PLXNA4: variants seen among roughly 807,000 people sequenced by gnomAD.
The protein encoded by PLXNA4 is plexin A4.
In PLXNA4, 44 loss-of-function variants were observed where a neutral mutation model predicts 191.8. The observed-to-expected ratio is 0.23, with a 90% CI of 0.18 to 0.29. The LOEUF (loss-of-function observed/expected upper bound fraction) is 0.29, where lower values mean the gene tolerates loss of function less well. Among genes scored for constraint, PLXNA4 ranks in the 10% least tolerant of loss-of-function variants. The pLI is 1.00. For missense variants in PLXNA4, 1,800 were observed against 2,488.8 expected, an observed-to-expected ratio of 0.72 and a Z score of 5.89; for synonymous variants, 1,082 against 1,009.5, an observed-to-expected ratio of 1.07 and a Z score of -1.36.
intron 3 of PLXNA4, among the ~76,000 whole-genome samples, chr7:132,338,700 C>A (rs914280678): frequency 2.7e-4 from 41 of 152,036 alleles, no homozygotes; most frequent in African/African-American, 9.4e-4. Flanking sequence ...ACTTAGTGAC[C>A]ACATTATAAA....
intron 7 of PLXNA4, 85 bp from the exon 8 acceptor site, chr7:132,226,345 G>A: frequency 8.3e-7 from 1 of 1,203,086 alleles, no homozygotes; most frequent in Non-Finnish European, 1.2e-6. Flanking sequence ...GCTGGAAAAG[G>A]GAGCCTGCTC....
intron 10 of PLXNA4, among the ~76,000 whole-genome samples, chr7:132,203,853 T>C (rs1420586508): frequency 6.6e-6 from 1 of 152,120 alleles, no homozygotes; most frequent in Non-Finnish European, 1.5e-5. Flanking sequence ...TGCAATTAGA[T>C]TGGGGAACTC....
At position 132,320,340 on chromosome 7, in the gene PLXNA4, A is replaced by G. The variant is rs534092071; in HGVS notation, c.1372-22118T>C. On this transcript the variant is annotated intron_variant, in intron 3 of 31. Transcript: ENST00000321063. ...CTGTTCCTTGGCTTGTGGCAGCATC[A>G]CTCCAATCTCTGCCTTTGTCTTCAC... 2.2e-4 allele frequency among the ~76,000 whole-genome samples: 33 copies of G among 152,016 alleles called. No homozygotes were observed. In the South Asian group the frequency reaches 6.7e-3, roughly 31 times the overall value.
intron 18 of PLXNA4, 71 bp from the exon 19 acceptor site, chr7:132,180,803 C>T: frequency 6.4e-7 from 1 of 1,570,246 alleles, no homozygotes; most frequent in Non-Finnish European, 8.7e-7. Context: ...CTCTCATGTC[C>T]TCCCACCTGG....
intron 3 of PLXNA4, among the ~76,000 whole-genome samples, chr7:132,307,159 C>T (rs1332691873): frequency 6.6e-6 from 1 of 152,098 alleles, no homozygotes; most frequent in Non-Finnish European, 1.5e-5. Flanking sequence ...CCCTACAACC[C>T]CACACCAAGG....
At chr7:132,189,923 A>C (rs2116799000) in intron 14 of PLXNA4, among the ~76,000 whole-genome samples, 1 of 150,990 alleles carries the variant, frequency 6.6e-6, no homozygotes, top group African/African-American at 2.4e-5. Flanking sequence ...TCCTTCCTAA[A>C]GTCTTCCCAA....
intron 2 of PLXNA4, among the ~76,000 whole-genome samples, chr7:132,491,581 C>T (rs1451114213): frequency 1.3e-5 from 2 of 151,884 alleles, no homozygotes; most frequent in African/African-American, 4.8e-5. Context: ...GCCTCTCTTG[C>T]GTGGCCTGGT....
intron 3 of PLXNA4, among the ~76,000 whole-genome samples, chr7:132,449,937 C>A (rs536518908): frequency 2.6e-5 from 4 of 152,220 alleles, no homozygotes; most frequent in Non-Finnish European, 4.4e-5. Flanking sequence ...CAGAGCTCAG[C>A]GGCTGTGACA....
chr7:132,174,781 A>G lies in PLXNA4; in HGVS notation c.4014T>C (p.Leu1338=), dbSNP rs2116697386. 1 of 1,613,840 alleles carries G rather than the reference A, an allele frequency of 6.2e-7. No individual in the cohort carries two copies. The change falls in exon 21 of 32, where the codon CTT becomes CTC. Residue 1338 remains leucine (L), a synonymous_variant. Coordinates refer to ENST00000321063, the MANE Select transcript of PLXNA4 (RefSeq NM_020911.2). The part of the protein sequence containing the change: ...GIEDHPVLRD[L]EVPGYRQERV... ...AGGATGGAGCACTGCTTCTCACCTC[A>G]AGGTCCCGGAGGACAGGGTGGTCTT... is the stretch of plus-strand genomic sequence containing the variant.
Position 132,319,692 on chromosome 7 carries a change from G to A in PLXNA4, c.1372-21470C>T, listed in dbSNP as rs116642885. 6.6e-3 allele frequency among the ~76,000 whole-genome samples: 1,009 copies of A among 152,316 alleles called. 11 individuals are homozygous for A. The highest frequency in any genetic ancestry group is 0.023 in the African/African-American group (972 of 41,560). On this transcript the variant is annotated intron_variant, in intron 3 of 31. Transcript: ENST00000321063. ...AATTTCCTGGTGCTCTGAGATCACC[G>A]GACTTCCTGCTCCAGAAGCAGGTTT...
At chr7:132,399,100 G>A (rs1008470818) in intron 3 of PLXNA4, among the ~76,000 whole-genome samples, 5 of 152,130 alleles carry the variant, frequency 3.3e-5, no homozygotes, top group Non-Finnish European at 7.4e-5. Context: ...AAAGTACAGA[G>A]GTCCCTGCTA....
intron 3 of PLXNA4, among the ~76,000 whole-genome samples, chr7:132,397,783 G>A (rs1793824245): frequency 6.6e-6 from 1 of 152,198 alleles, no homozygotes; most frequent in Non-Finnish European, 1.5e-5. Context: ...GTTTTAATAT[G>A]TATTTCAGGT....
At chr7:132,385,373 C>T (rs1471026797) in intron 3 of PLXNA4, 1 of 1,491,116 alleles carries the variant, frequency 6.7e-7, no homozygotes, top group Non-Finnish European at 8.9e-7. Flanking sequence ...TCCCCTCCTC[C>T]TTTCTGTTTA....
In PLXNA4 at chr7:132,298,295, C is replaced by T. The variant is rs536085504; in HGVS notation, c.1372-73G>A. 1.6e-5 allele frequency: 24 copies of T among 1,536,792 alleles called. No individual in the cohort carries two copies. The African/African-American group carries it at 3.2e-4, about 20-fold the overall frequency. On this transcript the variant is annotated intron_variant, in intron 3 of 31. Transcript: ENST00000321063. ...CCCACAGCCAAACTTCAGCCAAAGA[C>T]CCTGTCAACAGCCAAGGGAGAGGGC... is the stretch of plus-strand genomic sequence containing the variant.
At chr7:132,538,622 C>T (rs1036430593) in intron 1 of PLXNA4, among the ~76,000 whole-genome samples, 1 of 152,202 alleles carries the variant, frequency 6.6e-6, no homozygotes, top group African/African-American at 2.4e-5. Context: ...AAATAGAATC[C>T]ATCCCTCACA....
chr7:132,606,582 A>G (rs888851271), intron 2 of PLXNA4, among the ~76,000 whole-genome samples: 1 of 152,210 alleles, frequency 6.6e-6, no homozygotes. Context: ...AATCTGTGTT[A>G]TGCTCAAATC....
chr7:132,445,157 GA>G (rs71529762), intron 3 of PLXNA4, among the ~76,000 whole-genome samples: 2,804 of 53,698 alleles, frequency 0.052, 90 homozygotes, highest in East Asian at 0.3. Flanking sequence ...TCCATCTCAG[GA>G]AAAAAAAAAA....
chr7:132,380,631 A>G (rs1804854072), intron 3 of PLXNA4, among the ~76,000 whole-genome samples: 1 of 152,222 alleles, frequency 6.6e-6, no homozygotes, highest in African/African-American at 2.4e-5. Flanking sequence ...GAGAGGCAGA[A>G]AAAGAGACAG....
rs144412708 is a variant in PLXNA4 at position 132,248,954 on chromosome 7, C to T, written c.1504-7788G>A. The stretch of plus-strand genomic sequence containing the variant: ...CTGGTGCTTGGGCCATGGGGCTAAT[C>T]CAGCTGGGCCTCACTTGACGGCAGA... On this transcript the variant is annotated intron_variant, in intron 4 of 31. Transcript: ENST00000321063. 3.5e-3 allele frequency among the ~76,000 whole-genome samples: 527 copies of T among 152,328 alleles called. 3 individuals carry two copies. Among genetic ancestry groups the T allele is most frequent in the African/African-American group, 0.012 (500 of 41,580 alleles).
Sources: allele counts gnomAD v4.1 joint callset (sites outside exome capture counted in the v4.1 genomes callset), GRCh38; gene constraint gnomAD v4.1.1; transcripts MANE v1.5; gene names NCBI Gene and HGNC (gene_info 2026-07-23, HGNC 2026-07-21).